Variants in KDM1B observed in about 807,000 individuals in gnomAD.
KDM1B encodes the protein lysine demethylase 1B, also known as lysine-specific histone demethylase 2.
A neutral mutation model predicts 107.4 loss-of-function variants in KDM1B; 63 were observed. The observed-to-expected ratio is 0.59, with a 90% CI of 0.48 to 0.72. The LOEUF (loss-of-function observed/expected upper bound fraction) is 0.72, where lower values mean the gene tolerates loss of function less well. Among genes scored for constraint, KDM1B ranks in the 30% least tolerant of loss-of-function variants. The pLI is 0.00. For missense variants in KDM1B, 749 were observed against 1,020.8 expected, an observed-to-expected ratio of 0.73 and a Z score of 3.63; for synonymous variants, 363 against 363.9, an observed-to-expected ratio of 1.00 and a Z score of 0.03.
Position 18,209,273 on chromosome 6 carries a change from T to G in KDM1B, c.1866+1067T>G, listed in dbSNP as rs1316555344. ...TTAGTAAACCTTGAAAATTTAAGTT[T>G]AGTTATATCTTAAGTGACTATGAAA... On this transcript the variant is annotated intron_variant, in intron 17 of 21. Coordinates refer to ENST00000650836, the MANE Select transcript of KDM1B (RefSeq NM_001364614.2). The surrounding 1 kb of genome is among the most constrained non-coding windows in gnomAD (Gnocchi z 4.3). Among the ~76,000 whole-genome samples the G allele has an allele frequency of 6.6e-6, 1 of 152,162 alleles. No individual in the cohort carries two copies. Among genetic ancestry groups the G allele is most frequent in the Non-Finnish European group, 1.5e-5 (1 of 68,018 alleles).
chr6:18,208,603 G>GTGTGTGTGTATATATATATA (rs1359166965), intron 17 of KDM1B, among the ~76,000 whole-genome samples: 1 of 34,896 alleles, frequency 2.9e-5, no homozygotes, highest in Non-Finnish European at 4.8e-5. Context: ...GTATGTGTAT[G>GTGTGTGTGTATATATATATA]TATATATATA....
intron 10 of KDM1B, among the ~76,000 whole-genome samples, chr6:18,194,032 C>T (rs934459839): frequency 1.3e-5 from 2 of 152,112 alleles, no homozygotes; most frequent in Non-Finnish European, 2.9e-5. Flanking sequence ...CGCCACCAAA[C>T]CCGGCTAATT....
chr6:18,206,947 A>G (rs1429709601), intron 15 of KDM1B, among the ~76,000 whole-genome samples: 1 of 152,178 alleles, frequency 6.6e-6, no homozygotes. Flanking sequence ...TCCACGGATG[A>G]TTTCAGAGGC....
rs923364739 is a variant in KDM1B at position 18,205,802 on chromosome 6, G to C, written c.1659+138G>C. 3.8e-5 allele frequency: 29 copies of C among 771,634 alleles called. No homozygotes were observed. The African/African-American group carries it at 5.0e-4, about 13-fold the overall frequency. 47.8% of individuals were successfully genotyped at this position (771,634 alleles called of 1,614,324 possible). A position where few individuals can be genotyped will look rare whatever the true frequency, so the allele number is the denominator to read the frequency against. ...AGGTCAGGAGATCGAGACCATCCTG[G>C]CCAACATGGTGAAACCCTGTCTCTA... is the stretch of plus-strand genomic sequence containing the variant. On this transcript the variant is annotated intron_variant, in intron 15 of 21. Coordinates refer to ENST00000650836, the MANE Select transcript of KDM1B (RefSeq NM_001364614.2). The surrounding 1 kb of genome is among the most constrained non-coding windows in gnomAD (Gnocchi z 5.7).
intron 12 of KDM1B, among the ~76,000 whole-genome samples, chr6:18,198,954 A>C (rs1168201870): frequency 7.5e-6 from 1 of 133,746 alleles, no homozygotes; most frequent in Non-Finnish European, 1.5e-5. Flanking sequence ...AGATCGCTTG[A>C]GCTCAGGAGT....
rs1789013575 is a variant in KDM1B at position 18,213,552 on chromosome 6, G to T, written c.1984-104G>T. The T allele has an allele frequency of 8.7e-7, 1 of 1,149,450 alleles. No homozygotes were observed. Among genetic ancestry groups the T allele is most frequent in the African/African-American group, 1.5e-5 (1 of 65,440 alleles). 71.2% of individuals were successfully genotyped at this position (1,149,450 alleles called of 1,614,324 possible). The stretch of plus-strand genomic sequence containing the variant: ...GCGGTATTTGGGGTTGTTCTTTCGG[G>T]CAGTGTCTTTGTTTTAGAGTAGAGC... On this transcript the variant is annotated intron_variant, in intron 18 of 21. Coordinates refer to ENST00000650836, the MANE Select transcript of KDM1B (RefSeq NM_001364614.2). The surrounding 1 kb of genome is among the most constrained non-coding windows in gnomAD (Gnocchi z 5.9).
intron 10 of KDM1B, among the ~76,000 whole-genome samples, chr6:18,194,793 G>A (rs533388142): frequency 2.6e-5 from 4 of 152,142 alleles, no homozygotes; most frequent in South Asian, 2.1e-4. Flanking sequence ...ATGAGCCACC[G>A]TGCCTAGCCC....
chr6:18,184,455 A>G (rs563714366), intron 7 of KDM1B, among the ~76,000 whole-genome samples: 1 of 151,330 alleles, frequency 6.6e-6, no homozygotes, highest in East Asian at 1.9e-4. Context: ...TTGTATTTTT[A>G]GTAGAGACGA....
chr6:18,185,417 T>G (rs1156863139), intron 7 of KDM1B, among the ~76,000 whole-genome samples: 1 of 152,072 alleles, frequency 6.6e-6, no homozygotes, highest in Non-Finnish European at 1.5e-5. Flanking sequence ...TTCTCCTGCC[T>G]CAGCCTCTCC....
intron 21 of KDM1B, 112 bp from the exon 22 acceptor site, chr6:18,221,797 C>G: frequency 1.2e-6 from 1 of 834,790 alleles, no homozygotes; most frequent in East Asian, 2.5e-5. Flanking sequence ...TATGAGCACA[C>G]AGGAGTGGCA....
At chr6:18,198,549 C>T (rs180925495) in intron 12 of KDM1B, among the ~76,000 whole-genome samples, 7 of 150,734 alleles carry the variant, frequency 4.6e-5, no homozygotes, top group Admixed American at 1.3e-4. Flanking sequence ...TTTTTTTATG[C>T]CCGTCAAAAA....
rs1561948048 is a variant in KDM1B, at chr6:18,207,472, G to A, written c.1734G>A (p.Gly578=). The A allele has an allele frequency of 3.1e-6, 5 of 1,614,194 alleles. No individual in the cohort carries two copies. The highest frequency in any genetic ancestry group is 1.1e-5 in the South Asian group (1 of 91,090). ...GTGACCACACTCTGCTAACTCCCGG[G>A]TACTCGGTGATAATTGAAAAACTGG... ...FAGDHTLLTP[G]YSVIIEKLAE... Residue 578 remains glycine, a synonymous_variant, in exon 16 of 22, where the codon GGG becomes GGA. Coordinates refer to ENST00000650836, the MANE Select transcript of KDM1B (RefSeq NM_001364614.2).
rs778947998 is a variant in KDM1B, at chr6:18,221,960, G to A, written c.2437G>A (p.Val813Ile). The A allele has an allele frequency of 5.2e-5, 84 of 1,613,796 alleles. No homozygotes were observed. The highest frequency in any genetic ancestry group is 1.1e-4 in the East Asian group (5 of 44,874). The part of the protein sequence containing the change: ...QTVTGAYLSG[V>I]REASKIAAF The stretch of plus-strand genomic sequence containing the variant: ...TGTTACAGGGGCATATTTGAGTGGC[G>A]TTCGAGAAGCAAGCAAGATTGCAGC... Residue 813 changes from valine (V) to isoleucine (I), a missense_variant, in exon 22 of 22, where the codon GTT becomes ATT. Transcript: ENST00000650836.
intron 7 of KDM1B, among the ~76,000 whole-genome samples, chr6:18,174,024 T>C (rs769391959): frequency 6.6e-6 from 1 of 152,182 alleles, no homozygotes; most frequent in African/African-American, 2.4e-5. Context: ...GACCTCGTGA[T>C]CCACCTGCCT....
intron 15 of KDM1B, among the ~76,000 whole-genome samples, chr6:18,206,525 A>G (rs979481671): frequency 6.6e-6 from 1 of 152,150 alleles, no homozygotes; most frequent in African/African-American, 2.4e-5. Context: ...TAGGGGGAGA[A>G]AAAAGAAATC....
intron 7 of KDM1B, among the ~76,000 whole-genome samples, chr6:18,178,305 C>T (rs985881313): frequency 2.0e-5 from 3 of 152,008 alleles, no homozygotes; most frequent in African/African-American, 7.3e-5. Flanking sequence ...AGGCTGGTCT[C>T]GAACTCCTGA....
Position 18,215,114 on chromosome 6 carries a change from G to A in KDM1B, c.2217G>A (p.Glu739=). The change falls in exon 20 of 22, where the codon GAG becomes GAA. Residue 739 remains glutamate, a synonymous_variant. Coordinates refer to ENST00000650836, the MANE Select transcript of KDM1B (RefSeq NM_001364614.2). ...VLQQCMATLR[E]LFKEQEVPDP... ...AGCAGTGCATGGCCACGCTCCGGGAGCTGTTCAAGGAGCAGGTGAGAGAGA... is the reference window on the plus strand; with the variant it reads ...AGCAGTGCATGGCCACGCTCCGGGAACTGTTCAAGGAGCAGGTGAGAGAGA... The A allele has an allele frequency of 6.2e-7, 1 of 1,612,870 alleles. No individual in the cohort carries two copies. Among genetic ancestry groups the A allele is most frequent in the Non-Finnish European group, 8.5e-7 (1 of 1,179,756 alleles).
intron 7 of KDM1B, among the ~76,000 whole-genome samples, chr6:18,173,535 T>G (rs1472724069): frequency 6.6e-6 from 1 of 152,176 alleles, no homozygotes; most frequent in Non-Finnish European, 1.5e-5. Flanking sequence ...TCATTTATGC[T>G]TAGAACTTTT....
chr6:18,170,636 G>A (rs866661365), intron 6 of KDM1B, among the ~76,000 whole-genome samples: 27 of 148,542 alleles, frequency 1.8e-4, no homozygotes, highest in Non-Finnish European at 3.3e-4. Flanking sequence ...ATGCACCACC[G>A]CACCTGTCTG....
Sources: allele counts gnomAD v4.1 joint callset (sites outside exome capture counted in the v4.1 genomes callset), GRCh38; gene constraint gnomAD v4.1.1; non-coding constraint Gnocchi (gnomAD v3.1); transcripts MANE v1.5; gene names NCBI Gene and HGNC (gene_info 2026-07-23, HGNC 2026-07-21).